NSUN3: variants seen among roughly 807,000 people sequenced by gnomAD.
NSUN3 encodes NOP2/Sun RNA methyltransferase 3, also known as tRNA (cytosine(34)-C(5))-methyltransferase, mitochondrial.
Under a neutral mutation model 36.8 loss-of-function variants are expected in NSUN3, and 24 were observed. The ratio of observed to expected loss-of-function variants is 0.65; its 90% confidence interval spans 0.47 to 0.92. The LOEUF (loss-of-function observed/expected upper bound fraction) is 0.92, where lower values mean the gene tolerates loss of function less well. Among genes scored for constraint, NSUN3 ranks in the 40% least tolerant of loss-of-function variants. The probability of loss-of-function intolerance (pLI) is 0.00; values close to 1 mark genes in which losing one functional copy is unlikely to be tolerated. For missense variants in NSUN3, 381 were observed against 392.8 expected (o/e 0.97, Z 0.25); for synonymous variants, 146 against 145.2 (o/e 1.01, Z -0.04).
chr3:94,079,871 A>G (rs188527941), intron 2 of NSUN3, among the ~76,000 whole-genome samples: 3 of 152,040 alleles, frequency 2.0e-5, no homozygotes, highest in Non-Finnish European at 2.9e-5. Context: ...TTGGGTTAGA[A>G]TATGCTCCTT....
chr3:94,104,209 A>G (rs1295532306), intron 5 of NSUN3, among the ~76,000 whole-genome samples: 2 of 152,162 alleles, frequency 1.3e-5, no homozygotes, highest in East Asian at 3.9e-4. Flanking sequence ...CATGATTTAG[A>G]GAATTCATCT....
At chr3:94,110,526 G>A (rs1015049783) in intron 5 of NSUN3, among the ~76,000 whole-genome samples, 6 of 151,934 alleles carry the variant, frequency 3.9e-5, no homozygotes, top group Non-Finnish European at 8.8e-5. Flanking sequence ...AAATCCCTCA[G>A]ATCTTTCCTG....
At chr3:94,076,674 T>G in intron 2 of NSUN3, 1 of 1,164,182 alleles carries the variant, frequency 8.6e-7, no homozygotes, top group African/African-American at 1.5e-5. Flanking sequence ...AAGTCTGAGT[T>G]GCAGTCTCCA....
Position 94,063,158 on chromosome 3 carries a change from T to A in NSUN3, c.12+20T>A. 1 of 1,613,760 alleles carries A rather than the reference T, an allele frequency of 6.2e-7. No homozygotes were observed. Among genetic ancestry groups the A allele is most frequent in the South Asian group, 1.1e-5 (1 of 91,056 alleles). On this transcript the variant is annotated intron_variant, in intron 1 of 5. Coordinates refer to ENST00000314622, the MANE Select transcript of NSUN3 (RefSeq NM_022072.5). ...ACCCAGGTGAGACCTGGGGCCCGGC[T>A]GGGTACCTCTATCTGAATGAGACGC...
intron 3 of NSUN3, among the ~76,000 whole-genome samples, chr3:94,089,717 A>G (rs2077306836): frequency 2.6e-5 from 4 of 152,234 alleles, no homozygotes; most frequent in African/African-American, 4.8e-5. Flanking sequence ...CATAGGATTA[A>G]GGTTAAATGG....
At chr3:94,069,455 T>C (rs1445669081) in intron 2 of NSUN3, among the ~76,000 whole-genome samples, 2 of 152,232 alleles carry the variant, frequency 1.3e-5, no homozygotes, top group Non-Finnish European at 2.9e-5. Context: ...TCAAGGAATT[T>C]CTCTTTTTTA....
chr3:94,107,350 C>T (rs1422285697), intron 5 of NSUN3, among the ~76,000 whole-genome samples: 1 of 152,090 alleles, frequency 6.6e-6, no homozygotes, highest in Non-Finnish European at 1.5e-5. Context: ...TCCAGGAGTG[C>T]AGTGGTGTGA....
intron 1 of NSUN3, 103 bp downstream of exon 1, chr3:94,063,241 G>A: frequency 8.8e-7 from 1 of 1,134,826 alleles, no homozygotes; most frequent in Non-Finnish European, 1.3e-6. Flanking sequence ...CATCACCTTT[G>A]TTCGTCCCCT....
At chr3:94,106,796 A>T (rs2077391268) in intron 5 of NSUN3, among the ~76,000 whole-genome samples, 1 of 152,182 alleles carries the variant, frequency 6.6e-6, no homozygotes, top group African/African-American at 2.4e-5. Context: ...GCTGAAAAGG[A>T]ACAAAAACAG....
At chr3:94,066,159 C>G (rs900789028) in intron 2 of NSUN3, among the ~76,000 whole-genome samples, 1 of 151,360 alleles carries the variant, frequency 6.6e-6, no homozygotes, top group Non-Finnish European at 1.5e-5. Context: ...TTAGTGTACT[C>G]AGAAAGTCAT....
intron 2 of NSUN3, among the ~76,000 whole-genome samples, chr3:94,070,955 G>T (rs1180486724): frequency 6.6e-6 from 1 of 152,156 alleles, no homozygotes; most frequent in African/African-American, 2.4e-5. Context: ...AACTCCAAAA[G>T]AATTCAAAGT....
intron 5 of NSUN3, among the ~76,000 whole-genome samples, chr3:94,108,695 G>A (rs1017017849): frequency 6.6e-6 from 1 of 151,166 alleles, no homozygotes; most frequent in Non-Finnish European, 1.5e-5. Context: ...GTCTTGCTCT[G>A]TTGCCCAGGC....
At chr3:94,080,955 T>C (rs1417261721) in intron 2 of NSUN3, among the ~76,000 whole-genome samples, 2 of 152,094 alleles carry the variant, frequency 1.3e-5, no homozygotes, top group Non-Finnish European at 2.9e-5. Context: ...CACTGGGGTA[T>C]GGAAAAGAAA....
intron 2 of NSUN3, among the ~76,000 whole-genome samples, chr3:94,075,305 A>C (rs1310316968): frequency 6.6e-6 from 1 of 152,140 alleles, no homozygotes; most frequent in Non-Finnish European, 1.5e-5. Context: ...AAGAAACAAC[A>C]TGAAAACAGC....
Position 94,129,911 on chromosome 3 carries a change from CT to C in NSUN3, c.*3423del. Among the ~76,000 whole-genome samples the C allele has an allele frequency of 6.6e-6, 1 of 151,764 alleles. No homozygotes were observed. Among genetic ancestry groups the C allele is most frequent in the East Asian group, 1.9e-4 (1 of 5,148 alleles). ...GAGATCACAGGCACCCGCCACCATG[CT>C]TGGCTAATTTTTTTTGTATTTTTAG... On this transcript the variant is annotated 3_prime_UTR_variant, in exon 6 of 6. Transcript: ENST00000314622.
chr3:94,103,189 A>G (rs1317966531), intron 5 of NSUN3, among the ~76,000 whole-genome samples: 2 of 152,068 alleles, frequency 1.3e-5, no homozygotes, highest in Non-Finnish European at 2.9e-5. Flanking sequence ...GCCTGGCCTA[A>G]CATTACCTAC....
At chr3:94,108,075 A>T (rs1357239538) in intron 5 of NSUN3, among the ~76,000 whole-genome samples, 3 of 149,698 alleles carry the variant, frequency 2.0e-5, no homozygotes, top group East Asian at 2.0e-4. Flanking sequence ...TCTACTCAGA[A>T]TTTTTTTTGA....
rs545874784 is a variant in NSUN3, at chr3:94,093,398, C to T, written c.467-742C>T. Reference sequence around the variant, plus strand: ...GCTTTACAATGTTTTTTCCCTTCTACGTTAAACTGTAATGTTCAGTTAGTT... The same window carrying T: ...GCTTTACAATGTTTTTTCCCTTCTATGTTAAACTGTAATGTTCAGTTAGTT... On this transcript the variant is annotated intron_variant, in intron 3 of 5. Transcript: ENST00000314622. Among the ~76,000 whole-genome samples the T allele has an allele frequency of 8.5e-4, 129 of 151,954 alleles. 1 individual carries two copies. Among genetic ancestry groups the T allele is most frequent in the Admixed American group, 2.0e-3 (30 of 15,266 alleles).
intron 2 of NSUN3, among the ~76,000 whole-genome samples, chr3:94,064,914 C>A (rs1213707654): frequency 6.6e-6 from 1 of 152,158 alleles, no homozygotes; most frequent in East Asian, 1.9e-4. Context: ...TACAACAAAT[C>A]TTTAAAGCCA....
Sources: allele counts gnomAD v4.1 joint callset (sites outside exome capture counted in the v4.1 genomes callset), GRCh38; gene constraint gnomAD v4.1.1; transcripts MANE v1.5; gene names NCBI Gene and HGNC (gene_info 2026-07-23, HGNC 2026-07-21).